FBN2: variants seen among roughly 807,000 people sequenced by gnomAD.
FBN2 encodes the protein fibrillin 2.
In FBN2, 105 loss-of-function variants were observed where a neutral mutation model predicts 355.6. That is an observed-to-expected ratio of 0.30 (90% CI 0.25 to 0.35). The LOEUF (loss-of-function observed/expected upper bound fraction) is 0.35, where lower values mean the gene tolerates loss of function less well. FBN2 is among the 10% of genes least tolerant of loss of function. The probability of loss-of-function intolerance (pLI) is 1.00; values close to 1 mark genes in which losing one functional copy is unlikely to be tolerated. For synonymous variants in FBN2, 1,350 were observed against 1,301.2 expected, an observed-to-expected ratio of 1.04 and a Z score of -0.81; for missense variants, 3,280 against 3,758.7, an observed-to-expected ratio of 0.87 and a Z score of 3.33.
At chr5:128,481,257 T>C (rs1475142704) in intron 5 of FBN2, among the ~76,000 whole-genome samples, 1 of 152,236 alleles carries the variant, frequency 6.6e-6, no homozygotes, top group African/African-American at 2.4e-5. Context: ...TCCAGTTCTG[T>C]GGTCTGTAAA....
chr5:128,290,916 T>G, intron 49 of FBN2, 32 bp from the exon 50 acceptor site: 1 of 1,603,104 alleles, frequency 6.2e-7, no homozygotes, highest in Non-Finnish European at 8.5e-7. Context: ...ACAGATGGAA[T>G]TATTTTGTAA....
intron 7 of FBN2, 96 bp downstream of exon 7, chr5:128,446,385 A>G: frequency 7.8e-7 from 1 of 1,285,412 alleles, no homozygotes; most frequent in Non-Finnish European, 1.1e-6. Flanking sequence ...AAAGAGTTTT[A>G]ATTGTGACCA....
intron 62 of FBN2, among the ~76,000 whole-genome samples, chr5:128,268,490 A>C (rs950403317): frequency 2.0e-5 from 3 of 152,172 alleles, no homozygotes; most frequent in Admixed American, 6.5e-5. Context: ...ATTCCAAACA[A>C]TTGAAAAGTA....
rs192234908 is a variant in FBN2, at chr5:128,522,678, A to G, written c.533-3310T>C. ...AAATACAGATAAAAGTAGAAGCAAAAACCAAAAATGGTGAATTTCCTTTTC... is the reference window on the plus strand; with the variant it reads ...AAATACAGATAAAAGTAGAAGCAAAGACCAAAAATGGTGAATTTCCTTTTC... On this transcript the variant is annotated intron_variant, in intron 4 of 64. Coordinates refer to ENST00000262464, the MANE Select transcript of FBN2 (RefSeq NM_001999.4). 4.1e-4 allele frequency among the ~76,000 whole-genome samples: 63 copies of G among 152,328 alleles called. 1 individual carries two copies. The highest frequency in any genetic ancestry group is 3.4e-3 in the Admixed American group (52 of 15,290).
At chr5:128,428,490 T>A (rs935214127) in intron 7 of FBN2, among the ~76,000 whole-genome samples, 8 of 152,120 alleles carry the variant, frequency 5.3e-5, no homozygotes, top group Admixed American at 2.6e-4. Context: ...TGCCTCTACC[T>A]CAGGGGCACT....
intron 48 of FBN2, among the ~76,000 whole-genome samples, chr5:128,297,758 A>C (rs927801547): frequency 2.6e-5 from 4 of 152,124 alleles, no homozygotes; most frequent in Non-Finnish European, 1.5e-5. Context: ...TTTCCTGAAT[A>C]CAGCACACTG....
At chr5:128,503,521 G>A (rs189543684) in intron 5 of FBN2, among the ~76,000 whole-genome samples, 6 of 152,238 alleles carry the variant, frequency 3.9e-5, no homozygotes, top group Admixed American at 6.5e-5. Context: ...AGGCTGAGGT[G>A]GTCTCAGATG....
At chr5:128,340,665 T>C (rs1404806388) in intron 25 of FBN2, among the ~76,000 whole-genome samples, 1 of 152,204 alleles carries the variant, frequency 6.6e-6, no homozygotes, top group African/African-American at 2.4e-5. Context: ...TGTCATCTAC[T>C]GAGAACAGGG....
chr5:128,438,593 C>T, intron 7 of FBN2, among the ~76,000 whole-genome samples: 1 of 152,164 alleles, frequency 6.6e-6, no homozygotes, highest in East Asian at 1.9e-4. Context: ...ATATTGTCTA[C>T]TTGGCAGCAC....
chr5:128,348,099 A>G (rs1751236107), intron 23 of FBN2, among the ~76,000 whole-genome samples: 1 of 152,198 alleles, frequency 6.6e-6, no homozygotes, highest in Non-Finnish European at 1.5e-5. Flanking sequence ...AATTTTGAAT[A>G]ATGTTATTGA....
chr5:128,398,083 CA>C (rs1752697382), intron 8 of FBN2, among the ~76,000 whole-genome samples: 2 of 152,060 alleles, frequency 1.3e-5, no homozygotes, highest in South Asian at 4.1e-4. Flanking sequence ...TTTGATGCCT[CA>C]ATTCATAGTA....
intron 1 of FBN2, 28 bp from the exon 2 acceptor site, chr5:128,536,512 CAGAT>C: frequency 6.4e-7 from 1 of 1,566,714 alleles, no homozygotes; most frequent in Non-Finnish European, 8.8e-7. Flanking sequence ...GGTCACGTAA[CAGAT>C]AGGTAGAGGG....
At chr5:128,398,807 C>T (rs1390263139) in intron 8 of FBN2, among the ~76,000 whole-genome samples, 1 of 152,110 alleles carries the variant, frequency 6.6e-6, no homozygotes, top group Non-Finnish European at 1.5e-5. Context: ...CAGGACTTTC[C>T]TGTGCTGTTC....
rs1487853145 is a variant in FBN2 at position 128,301,018 on chromosome 5, A to C, written c.6047-82T>G. On this transcript the variant is annotated intron_variant, in intron 47 of 64. Transcript: ENST00000262464. ...TTTATCTGTCTGCCAAATGATATTAACATGAATTCAACTCGGGTCCTCTGA... is the reference window on the plus strand; with the variant it reads ...TTTATCTGTCTGCCAAATGATATTACCATGAATTCAACTCGGGTCCTCTGA... The C allele has an allele frequency of 8.9e-6, 12 of 1,353,482 alleles. No individual in the cohort carries two copies. In the East Asian group the frequency reaches 2.6e-4, roughly 29 times the overall value. The allele number at this position is 1,353,482 out of a possible 1,614,324, so 83.8% of individuals were successfully genotyped here.
Position 128,492,513 on chromosome 5 carries a change from G to T in FBN2, c.628+26760C>A, listed in dbSNP as rs549490898. Among the ~76,000 whole-genome samples the T allele has an allele frequency of 2.2e-4, 34 of 152,190 alleles. 1 individual carries two copies. The Middle Eastern group carries it at 0.024, about 107-fold the overall frequency. ...AGGGTCAAACTTTTGTTAAAATATA[G>T]AAATACTGGCTGGGCGCGGTAGCTC... is the stretch of plus-strand genomic sequence containing the variant. On this transcript the variant is annotated intron_variant, in intron 5 of 64. Transcript: ENST00000262464.
intron 48 of FBN2, among the ~76,000 whole-genome samples, chr5:128,293,557 T>C (rs943463776): frequency 5.9e-5 from 9 of 152,038 alleles, no homozygotes; most frequent in Non-Finnish European, 1.0e-4. Context: ...TTGCTAACGA[T>C]AGATGAAGGA....
chr5:128,437,656 A>G (rs1013327849), intron 7 of FBN2, among the ~76,000 whole-genome samples: 3 of 152,116 alleles, frequency 2.0e-5, no homozygotes, highest in Non-Finnish European at 4.4e-5. Flanking sequence ...AATAATAAGA[A>G]TCATGAATCA....
chr5:128,289,753 G>T (rs564959714), intron 51 of FBN2, 129 bp downstream of exon 51: 6 of 656,674 alleles, frequency 9.1e-6, no homozygotes, highest in South Asian at 7.5e-5. Flanking sequence ...CAAAATAAGG[G>T]TTATATACAT....
chr5:128,534,246 T>C (rs986378354), intron 2 of FBN2, among the ~76,000 whole-genome samples: 2 of 152,200 alleles, frequency 1.3e-5, no homozygotes, highest in African/African-American at 2.4e-5. Context: ...CCAATAAATA[T>C]AATAATTTAC....
Sources: gnomAD v4.1 joint callset for allele counts (sites outside exome capture counted in the v4.1 genomes callset) on GRCh38, gnomAD v4.1.1 for gene constraint, MANE v1.5 for transcripts, NCBI Gene and HGNC (gene_info 2026-07-23, HGNC 2026-07-21) for gene names.